Variants in C2orf69 observed in about 807,000 individuals in gnomAD.
The protein encoded by C2orf69 is chromosome 2 open reading frame 69.
A neutral mutation model predicts 29.5 loss-of-function variants in C2orf69; 19 were observed. The ratio of observed to expected loss-of-function variants is 0.65; its 90% CI spans 0.45 to 0.95. The LOEUF (loss-of-function observed/expected upper bound fraction) is 0.95, where lower values mean the gene tolerates loss of function less well. Ranked by LOEUF, C2orf69 falls within the 40% of genes least tolerant of loss-of-function variation. The probability of loss-of-function intolerance (pLI) is 0.00; values close to 1 mark genes in which losing one functional copy is unlikely to be tolerated. For synonymous variants in C2orf69, 194 were observed against 180.0 expected, an observed-to-expected ratio of 1.08 and a Z score of -0.62; for missense variants, 416 against 482.1, an observed-to-expected ratio of 0.86 and a Z score of 1.28.
chr2:199,917,233 T>C (rs933697635), intron 1 of C2orf69, among the ~76,000 whole-genome samples: 1 of 152,144 alleles, frequency 6.6e-6, no homozygotes, highest in African/African-American at 2.4e-5. Flanking sequence ...CAAAACCATT[T>C]TTTCCTCTTA....
Position 199,913,522 on chromosome 2 carries a change from T to G in C2orf69, c.333+1751T>G, listed in dbSNP as rs1299923541. 2.1e-3 allele frequency among the ~76,000 whole-genome samples: 5 copies of G among 2,436 alleles called. No homozygotes were observed. The East Asian group carries it at 0.21, about 101-fold the overall frequency. 1.6% of individuals were successfully genotyped at this position (2,436 alleles called of 152,430 possible). A position where few individuals can be genotyped will look rare whatever the true frequency, so the allele number is the denominator to read the frequency against. ...TATAAAATATATATTATACTATATATAAAATATACTATATAATATATATAA... is the reference window on the plus strand; with the variant it reads ...TATAAAATATATATTATACTATATAGAAAATATACTATATAATATATATAA... On this transcript the variant is annotated intron_variant, in intron 1 of 1. Coordinates refer to ENST00000319974, the MANE Select transcript of C2orf69 (RefSeq NM_153689.6).
chr2:199,912,222 A>G (rs2077266754), intron 1 of C2orf69, among the ~76,000 whole-genome samples: 1 of 151,962 alleles, frequency 6.6e-6, no homozygotes, highest in East Asian at 2.0e-4. Context: ...CAAAGGTATG[A>G]CATCCAGTAA....
At chr2:199,921,153 C>T (rs554073184) in intron 1 of C2orf69, among the ~76,000 whole-genome samples, 9 of 150,960 alleles carry the variant, frequency 6.0e-5, no homozygotes, top group East Asian at 4.0e-4. Context: ...ACTACAGGCA[C>T]GCGCCACCAT....
chr2:199,911,786 G>T lies in C2orf69; in HGVS notation c.333+15G>T. Reference sequence around the variant, plus strand: ...GGGATGTGCAGGTAACTCGGGGCCTGCCTGGGTATCTGTTCCTTCCTCTCG... The same window carrying T: ...GGGATGTGCAGGTAACTCGGGGCCTTCCTGGGTATCTGTTCCTTCCTCTCG... On this transcript the variant is annotated intron_variant, in intron 1 of 1. Transcript: ENST00000319974. The T allele has an allele frequency of 3.9e-6, 6 of 1,537,320 alleles. No individual in the cohort carries two copies. Among genetic ancestry groups the T allele is most frequent in the Non-Finnish European group, 5.2e-6 (6 of 1,146,858 alleles).
chr2:199,913,164 A>G (rs1222917218), intron 1 of C2orf69, among the ~76,000 whole-genome samples: 1 of 117,354 alleles, frequency 8.5e-6, no homozygotes, highest in Non-Finnish European at 1.7e-5. Context: ...ATTATTTTAT[A>G]TATATATTAT....
In C2orf69 at chr2:199,914,318, T is replaced by C. The variant is rs138485206; in HGVS notation, c.333+2547T>C. ...TTTCCTTTTGGATATTTAATAGATA[T>C]CCTAAACCTAAAATCTCTGGATCTT... On this transcript the variant is annotated intron_variant, in intron 1 of 1. Coordinates refer to ENST00000319974, the MANE Select transcript of C2orf69 (RefSeq NM_153689.6). Among the ~76,000 whole-genome samples, 442 of 152,272 alleles carry C rather than the reference T, an allele frequency of 2.9e-3. 2 individuals are homozygous for C. The highest frequency in any genetic ancestry group is 0.01 in the African/African-American group (418 of 41,554).
chr2:199,918,501 A>G lies in C2orf69; in HGVS notation c.334-6561A>G, dbSNP rs1372669653. On this transcript the variant is annotated intron_variant, in intron 1 of 1. Transcript: ENST00000319974. ...CTCAGCCTCCTGAGTAGCTGGGATTACAGGTGTGTGCCACCACGCCTGGGT... is the reference window on the plus strand; with the variant it reads ...CTCAGCCTCCTGAGTAGCTGGGATTGCAGGTGTGTGCCACCACGCCTGGGT... Among the ~76,000 whole-genome samples, 8 of 152,156 alleles carry G rather than the reference A, an allele frequency of 5.3e-5. No individual in the cohort carries two copies. The East Asian group carries it at 1.4e-3, about 26-fold the overall frequency.
chr2:199,924,551 T>C (rs2077328791), intron 1 of C2orf69, among the ~76,000 whole-genome samples: 1 of 152,228 alleles, frequency 6.6e-6, no homozygotes, highest in East Asian at 1.9e-4. Flanking sequence ...TTTTCTATAA[T>C]GTTTATTGCA....
chr2:199,914,281 T>C (rs529683503), intron 1 of C2orf69, among the ~76,000 whole-genome samples: 18 of 152,270 alleles, frequency 1.2e-4, no homozygotes, highest in African/African-American at 4.3e-4. Flanking sequence ...CAACCAATTA[T>C]ATGCACGATT....
rs2077333882 is a variant in C2orf69, at chr2:199,926,013, A to G, written c.*127A>G. ...TTTTGGGGTATGGGGGGAAGCACAC[A>G]TTCCTAAAATGTGAGTGTAATGTGC... is the stretch of plus-strand genomic sequence containing the variant. On this transcript the variant is annotated 3_prime_UTR_variant, in exon 2 of 2. Transcript: ENST00000319974. The G allele has an allele frequency of 1.6e-6, 1 of 627,160 alleles. No individual in the cohort carries two copies. Among genetic ancestry groups the G allele is most frequent in the Non-Finnish European group, 2.7e-6 (1 of 363,702 alleles). The allele number at this position is 627,160 out of a possible 1,614,324, so 38.8% of individuals were successfully genotyped here. A position where few individuals can be genotyped will look rare whatever the true frequency, so the allele number is the denominator to read the frequency against.
chr2:199,922,435 G>T (rs1244440218), intron 1 of C2orf69, among the ~76,000 whole-genome samples: 1 of 151,996 alleles, frequency 6.6e-6, no homozygotes, highest in East Asian at 1.9e-4. Context: ...ATAGTGTACT[G>T]GATTTTTTAG....
chr2:199,925,539 A>C lies in C2orf69; in HGVS notation c.811A>C (p.Asn271His). 1 of 1,613,914 alleles carries C rather than the reference A, an allele frequency of 6.2e-7. No individual in the cohort carries two copies. Among genetic ancestry groups the C allele is most frequent in the Non-Finnish European group, 8.5e-7 (1 of 1,179,840 alleles). Residue 271 changes from asparagine (N) to histidine (H), a missense_variant, in exon 2 of 2, where the codon AAT becomes CAT. Coordinates refer to ENST00000319974, the MANE Select transcript of C2orf69 (RefSeq NM_153689.6). This position sits in a 1 kb window ranked among gnomAD's most constrained non-coding sequence, Gnocchi z 4.9. The stretch of plus-strand genomic sequence containing the variant: ...ATTCAGTAAAGGTTGTGTTGTTTTG[A>C]ATCAGTTGCTTTTTGAATTGAAAGA... Reference protein sequence around the residue: ...IGFSKGCVVLNQLLFELKEAK... With the variant: ...IGFSKGCVVLHQLLFELKEAK...
At chr2:199,924,962 G>T (rs1299150655) in intron 1 of C2orf69, 100 bp from the exon 2 acceptor site, 1 of 714,014 alleles carries the variant, frequency 1.4e-6, no homozygotes, top group Non-Finnish European at 2.3e-6. Context: ...ATAGGTCATT[G>T]TAACATCCCT....
intron 1 of C2orf69, among the ~76,000 whole-genome samples, chr2:199,920,065 G>T (rs2077310066): frequency 6.6e-6 from 1 of 152,140 alleles, no homozygotes; most frequent in South Asian, 2.1e-4. Flanking sequence ...TGAGAAGCAT[G>T]GCCTTTCACC....
chr2:199,924,363 T>C (rs1005033364), intron 1 of C2orf69, among the ~76,000 whole-genome samples: 2 of 152,146 alleles, frequency 1.3e-5, no homozygotes, highest in African/African-American at 4.8e-5. Flanking sequence ...GCCATAATCA[T>C]GCCACTGCAC....
intron 1 of C2orf69, among the ~76,000 whole-genome samples, chr2:199,912,001 G>T (rs974034199): frequency 3.3e-5 from 5 of 152,190 alleles, no homozygotes; most frequent in African/African-American, 1.2e-4. Flanking sequence ...CGAGGGCTAC[G>T]ATCTCGAAAG....
intron 1 of C2orf69, among the ~76,000 whole-genome samples, chr2:199,919,019 A>C (rs189068060): frequency 6.6e-6 from 1 of 152,114 alleles, no homozygotes; most frequent in African/African-American, 2.4e-5. Context: ...TGGCGTGAAC[A>C]TGGCTCACTG....
intron 1 of C2orf69, among the ~76,000 whole-genome samples, chr2:199,921,001 G>GTGT (rs2077313569): frequency 3.0e-5 from 2 of 67,050 alleles, no homozygotes; most frequent in African/African-American, 1.2e-4. Context: ...CTAGGAATTA[G>GTGT]TTTTTTTTTT....
In C2orf69 at chr2:199,911,779, G is replaced by T; in HGVS notation, c.333+8G>T. The T allele has an allele frequency of 6.5e-7, 1 of 1,537,748 alleles. No individual in the cohort carries two copies. Among genetic ancestry groups the T allele is most frequent in the Non-Finnish European group, 8.7e-7 (1 of 1,146,850 alleles). The stretch of plus-strand genomic sequence containing the variant: ...TTCCCTGGGGATGTGCAGGTAACTC[G>T]GGGCCTGCCTGGGTATCTGTTCCTT... On this transcript the variant is annotated splice_region_variant and intron_variant, in intron 1 of 1. Transcript: ENST00000319974.
Sources: gnomAD v4.1 joint callset for allele counts (sites outside exome capture counted in the v4.1 genomes callset) on GRCh38, gnomAD v4.1.1 for gene constraint, Gnocchi (gnomAD v3.1) non-coding constraint, MANE v1.5 for transcripts, NCBI Gene and HGNC (gene_info 2026-07-23, HGNC 2026-07-21) for gene names.